The following KDM5B variants were observed in gnomAD, a reference collection of about 807,000 sequenced individuals.
KDM5B encodes the protein lysine demethylase 5B.
Under a neutral mutation model 193.4 loss-of-function variants are expected in KDM5B, and 144 were observed. The ratio of observed to expected loss-of-function variants is 0.74; its 90% CI spans 0.65 to 0.86. The LOEUF is 0.86. Among genes scored for constraint, KDM5B ranks in the 40% least tolerant of loss-of-function variants. KDM5B has a pLI of 0.00. For synonymous variants in KDM5B, 668 were observed against 682.6 expected, an observed-to-expected ratio of 0.98 and a Z score of 0.33; for missense variants, 1,833 against 1,886.9, an observed-to-expected ratio of 0.97 and a Z score of 0.53.
chr1:202,801,467 T>C lies in KDM5B; in HGVS notation c.204+6635A>G, dbSNP rs145877488. ...TCCAAACATCCTACAATTATGGAAC[T>C]GAAATGCCTCACTGTCCTAGAGACA... is the stretch of plus-strand genomic sequence containing the variant. On this transcript the variant is annotated intron_variant, in intron 1 of 26. Transcript: ENST00000367265. Among the ~76,000 whole-genome samples, 302 of 152,304 alleles carry C rather than the reference T, an allele frequency of 2.0e-3. 1 individual carries two copies. Among genetic ancestry groups the C allele is most frequent in the Middle Eastern group, 6.8e-3 (2 of 294 alleles).
intron 1 of KDM5B, among the ~76,000 whole-genome samples, chr1:202,805,505 T>C (rs754007808): frequency 2.0e-5 from 3 of 152,218 alleles, no homozygotes; most frequent in Non-Finnish European, 2.9e-5. Context: ...AAATGTTTTA[T>C]ACTTCTCCTT....
intron 11 of KDM5B, among the ~76,000 whole-genome samples, chr1:202,754,843 C>G (rs1037310995): frequency 1.3e-5 from 2 of 152,190 alleles, no homozygotes; most frequent in African/African-American, 2.4e-5. Context: ...CACCACCACA[C>G]CCAGCTAATT....
chr1:202,736,282 C>T lies in KDM5B; in HGVS notation c.3195G>A (p.Glu1065=). Residue 1065 remains glutamate (E), a synonymous_variant, in exon 21 of 27, where the codon GAG becomes GAA. Coordinates refer to ENST00000367265, the MANE Select transcript of KDM5B (RefSeq NM_006618.5). ...CAGCACATTCTTTCCAAGCCTGAAC[C>T]TCAGCTACTAGGGTTTCCAGTCTTG... ...SLPRLETLVA[E]VQAWKECAVN... The T allele has an allele frequency of 6.2e-7, 1 of 1,612,366 alleles. No individual in the cohort carries two copies. The highest frequency in any genetic ancestry group is 8.5e-7 in the Non-Finnish European group (1 of 1,179,206).
At chr1:202,768,105 G>A (rs1011709472) in intron 4 of KDM5B, among the ~76,000 whole-genome samples, 6 of 152,106 alleles carry the variant, frequency 3.9e-5, no homozygotes, top group East Asian at 1.9e-4. Flanking sequence ...AGTCTAACTC[G>A]CAAGGCAAAG....
chr1:202,802,766 A>G (rs1033081886), intron 1 of KDM5B, among the ~76,000 whole-genome samples: 1 of 152,182 alleles, frequency 6.6e-6, no homozygotes, highest in Non-Finnish European at 1.5e-5. Context: ...AAACCAGTAA[A>G]CACATTTTTC....
At position 202,753,019 on chromosome 1, in the gene KDM5B, C is replaced by T. The variant is rs1406993860; in HGVS notation, c.1587G>A (p.Gln529=). The change falls in exon 12 of 27, where the codon CAG becomes CAA. Residue 529 remains glutamine (Q), a synonymous_variant. Transcript: ENST00000367265. ...WYGVPGYAAE[Q]LENVMKKLAP... is the part of the protein sequence containing the mutation. ...CTAGTTTCTTCATTACATTTTCTAG[C>T]TGCTCAGCAGCATACCCTGGGACTC... 13 of 1,614,140 alleles carry T rather than the reference C, an allele frequency of 8.1e-6. No homozygotes were observed. The East Asian group carries it at 2.7e-4, about 33-fold the overall frequency.
At chr1:202,729,288 C>G in intron 26 of KDM5B, 115 bp from the exon 27 acceptor site, 7 of 1,093,934 alleles carry the variant, frequency 6.4e-6, no homozygotes, top group Middle Eastern at 3.0e-4. Flanking sequence ...TGTCCCACCA[C>G]TGGGACCTCT....
chr1:202,772,713 G>A (rs569050212), intron 4 of KDM5B, among the ~76,000 whole-genome samples: 4 of 149,704 alleles, frequency 2.7e-5, no homozygotes, highest in African/African-American at 9.8e-5. Flanking sequence ...TTTTTCAGAC[G>A]GAGTCTCAGA....
intron 6 of KDM5B, among the ~76,000 whole-genome samples, chr1:202,763,271 C>T (rs1410351278): frequency 6.6e-6 from 1 of 152,198 alleles, no homozygotes; most frequent in Non-Finnish European, 1.5e-5. Flanking sequence ...GGCGAAAACA[C>T]TGGCTATCAA....
intron 14 of KDM5B, among the ~76,000 whole-genome samples, chr1:202,747,885 C>T (rs1456501584): frequency 6.6e-6 from 1 of 151,888 alleles, no homozygotes; most frequent in Non-Finnish European, 1.5e-5. Flanking sequence ...AAAATTCCAA[C>T]AGGAATTGAT....
intron 1 of KDM5B, among the ~76,000 whole-genome samples, chr1:202,781,873 T>C (rs1657210497): frequency 6.6e-6 from 1 of 152,238 alleles, no homozygotes; most frequent in African/African-American, 2.4e-5. Flanking sequence ...AGGTGATATA[T>C]AATGTTATTC....
chr1:202,795,606 G>T (rs1241230227), intron 1 of KDM5B, among the ~76,000 whole-genome samples: 1 of 150,480 alleles, frequency 6.6e-6, no homozygotes, highest in African/African-American at 2.5e-5. Flanking sequence ...AGCTGAGATC[G>T]CACCATTGCA....
rs1452249964 is a variant in KDM5B at position 202,736,253 on chromosome 1, T to C, written c.3224A>G (p.Asn1075Ser). 1 of 1,605,520 alleles carries C rather than the reference T, an allele frequency of 6.2e-7. No homozygotes were observed. Among genetic ancestry groups the C allele is most frequent in the Non-Finnish European group, 8.5e-7 (1 of 1,175,932 alleles). ...TGGAGAATTCTCAGTCAAGAATGTATTAACAGCACATTCTTTCCAAGCCTG... is the reference window on the plus strand; with the variant it reads ...TGGAGAATTCTCAGTCAAGAATGTACTAACAGCACATTCTTTCCAAGCCTG... ...EVQAWKECAV[N>S]TFLTENSPYS... The change falls in exon 21 of 27, where the codon AAT becomes AGT. Residue 1075 changes from asparagine (N) to serine (S), a missense_variant. Asn to Ser is a conservative substitution (Grantham distance 46, BLOSUM62 1). Coordinates refer to ENST00000367265, the MANE Select transcript of KDM5B (RefSeq NM_006618.5).
At chr1:202,748,473 G>A (rs1655651844) in intron 14 of KDM5B, among the ~76,000 whole-genome samples, 1 of 150,534 alleles carries the variant, frequency 6.6e-6, no homozygotes, top group East Asian at 1.9e-4. Context: ...ACAAGCCACA[G>A]ACTGGGAGAA....
chr1:202,785,604 G>A (rs1322675127), intron 1 of KDM5B, among the ~76,000 whole-genome samples: 1 of 131,950 alleles, frequency 7.6e-6, no homozygotes, highest in Middle Eastern at 3.5e-3. Context: ...CTTTATTTAA[G>A]TAAATGGTCA....
chr1:202,748,308 T>C (rs940095485), intron 14 of KDM5B, among the ~76,000 whole-genome samples: 6 of 152,082 alleles, frequency 3.9e-5, no homozygotes, highest in African/African-American at 1.4e-4. Context: ...CTAGATGACT[T>C]TGTAGGAGAA....
At chr1:202,748,288 C>T (rs10920470) in intron 14 of KDM5B, among the ~76,000 whole-genome samples, 8,977 of 152,096 alleles carry the variant, frequency 0.059, 452 homozygotes, top group East Asian at 0.24. Context: ...AAACTTCAAA[C>T]TATGAAATTC....
At chr1:202,800,342 A>G (rs1408420529) in intron 1 of KDM5B, among the ~76,000 whole-genome samples, 1 of 147,390 alleles carries the variant, frequency 6.8e-6, no homozygotes, top group Non-Finnish European at 1.5e-5. Flanking sequence ...GCACCCAGCC[A>G]TTTTGTTTTG....
intron 2 of KDM5B, 42 bp downstream of exon 2, chr1:202,776,975 C>A: frequency 8.3e-7 from 1 of 1,209,548 alleles, no homozygotes; most frequent in Non-Finnish European, 1.2e-6. Context: ...AAAGACGGTC[C>A]CCCTGGAATA....
Sources: allele counts gnomAD v4.1 joint callset (sites outside exome capture counted in the v4.1 genomes callset), GRCh38; gene constraint gnomAD v4.1.1; transcripts MANE v1.5; gene names NCBI Gene and HGNC (gene_info 2026-07-23, HGNC 2026-07-21).